ADAD1: variants seen among roughly 807,000 people sequenced by gnomAD.
The protein encoded by ADAD1 is adenosine deaminase domain containing 1, also known as adenosine deaminase domain-containing protein 1.
Under a neutral mutation model 66.8 loss-of-function variants are expected in ADAD1, and 46 were observed. The observed-to-expected ratio is 0.69, with a 90% CI of 0.54 to 0.88. The LOEUF is 0.88. Ranked by LOEUF, ADAD1 falls within the 40% of genes least tolerant of loss-of-function variation. The pLI, the probability that ADAD1 is intolerant of heterozygous loss-of-function variation, is 0.00. For missense variants in ADAD1, 617 were observed against 681.8 expected, an observed-to-expected ratio of 0.91 and a Z score of 1.06; for synonymous variants, 248 against 229.4, an observed-to-expected ratio of 1.08 and a Z score of -0.73.
At chr4:122,384,923 A>G (rs1179793152) in intron 5 of ADAD1, among the ~76,000 whole-genome samples, 3 of 152,184 alleles carry the variant, frequency 2.0e-5, no homozygotes, top group Non-Finnish European at 4.4e-5. Context: ...AAAAGTACCA[A>G]TGGTGCCTTA....
intron 9 of ADAD1, 74 bp from the exon 10 acceptor site, chr4:122,412,506 G>A: frequency 1.7e-6 from 2 of 1,197,020 alleles, no homozygotes; most frequent in Non-Finnish European, 2.4e-6. Context: ...TTACAGAACA[G>A]CTGTTAGGTA....
Position 122,407,777 on chromosome 4 carries a change from T to C in ADAD1, c.725-131T>C. The stretch of plus-strand genomic sequence containing the variant: ...AGACTCTAAGACTCTTATTTTAAAT[T>C]GTGGAATTATTTTTTCATCTTTTCA... On this transcript the variant is annotated intron_variant, in intron 7 of 12. Coordinates refer to ENST00000296513, the MANE Select transcript of ADAD1 (RefSeq NM_139243.4). The C allele has an allele frequency of 3.9e-6, 4 of 1,033,626 alleles. No individual in the cohort carries two copies. In the South Asian group the frequency reaches 1.0e-4, roughly 26 times the overall value. 64.0% of individuals were successfully genotyped at this position (1,033,626 alleles called of 1,614,324 possible).
intron 5 of ADAD1, among the ~76,000 whole-genome samples, chr4:122,385,680 C>A (rs542589337): frequency 6.6e-6 from 1 of 152,142 alleles, no homozygotes; most frequent in East Asian, 1.9e-4. Flanking sequence ...AACCTGTCCT[C>A]TGTTCCCTCC....
intron 10 of ADAD1, among the ~76,000 whole-genome samples, chr4:122,415,046 G>C (rs576641794): frequency 6.6e-6 from 1 of 152,066 alleles, no homozygotes; most frequent in Non-Finnish European, 1.5e-5. Flanking sequence ...CATACAATGC[G>C]GTCAACAAAT....
At chr4:122,412,531 T>C (rs547609885) in intron 9 of ADAD1, 49 bp from the exon 10 acceptor site, 22 of 1,511,570 alleles carry the variant, frequency 1.5e-5, no homozygotes, top group African/African-American at 2.8e-5. Flanking sequence ...TAGATTTTGT[T>C]CTGTCACCTT....
chr4:122,394,684 T>A (rs1795614445), intron 6 of ADAD1, among the ~76,000 whole-genome samples: 1 of 152,220 alleles, frequency 6.6e-6, no homozygotes, highest in Middle Eastern at 3.2e-3. Flanking sequence ...ACAGCAGTGA[T>A]CTCTTAATAT....
intron 8 of ADAD1, among the ~76,000 whole-genome samples, chr4:122,409,969 C>T (rs188902695): frequency 9.2e-5 from 14 of 152,232 alleles, no homozygotes; most frequent in Admixed American, 3.3e-4. Flanking sequence ...GGTGAGCCAC[C>T]GTGCCTGGCC....
intron 5 of ADAD1, among the ~76,000 whole-genome samples, chr4:122,390,691 T>C (rs1454800351): frequency 6.6e-6 from 1 of 152,242 alleles, no homozygotes; most frequent in Non-Finnish European, 1.5e-5. Flanking sequence ...ATGCAGTTTT[T>C]TTCAGCTCCA....
chr4:122,401,264 TC>T (rs902680931), intron 7 of ADAD1, among the ~76,000 whole-genome samples: 4 of 151,024 alleles, frequency 2.6e-5, no homozygotes, highest in African/African-American at 9.8e-5. Context: ...GATACAAAGA[TC>T]ATTCAAGAGC....
chr4:122,392,143 T>C (rs1397649565), intron 5 of ADAD1, among the ~76,000 whole-genome samples: 7 of 152,250 alleles, frequency 4.6e-5, no homozygotes, highest in Admixed American at 4.6e-4. Context: ...TATCTGTCTC[T>C]GAGTTTTAAA....
At chr4:122,401,707 A>G (rs1795990080) in intron 7 of ADAD1, among the ~76,000 whole-genome samples, 1 of 152,050 alleles carries the variant, frequency 6.6e-6, no homozygotes, top group Non-Finnish European at 1.5e-5. Context: ...TAGGATTATG[A>G]TATTTTCTTG....
intron 5 of ADAD1, among the ~76,000 whole-genome samples, chr4:122,387,001 A>G (rs931256732): frequency 1.3e-5 from 2 of 152,016 alleles, no homozygotes; most frequent in Non-Finnish European, 2.9e-5. Flanking sequence ...TTTGCTTAGG[A>G]TTGTCTTGGC....
chr4:122,382,406 A>G (rs951895689), intron 4 of ADAD1, among the ~76,000 whole-genome samples: 12 of 152,224 alleles, frequency 7.9e-5, no homozygotes, highest in Admixed American at 6.5e-4. Context: ...GCTGAAGCTT[A>G]AAGGCTCCGC....
Position 122,418,349 on chromosome 4 carries a change from G to A in ADAD1, c.1487+2733G>A, listed in dbSNP as rs45530836. Among the ~76,000 whole-genome samples the A allele has an allele frequency of 4.4e-3, 569 of 128,246 alleles. 4 individuals are homozygous for A. Among genetic ancestry groups the A allele is most frequent in the Non-Finnish European group, 6.6e-3 (421 of 63,466 alleles). The allele number at this position is 128,246 out of a possible 152,430, so 84.1% of individuals were successfully genotyped here. A position where few individuals can be genotyped will look rare whatever the true frequency, so the allele number is the denominator to read the frequency against. On this transcript the variant is annotated intron_variant, in intron 11 of 12. Coordinates refer to ENST00000296513, the MANE Select transcript of ADAD1 (RefSeq NM_139243.4). ...TTTTGAGACGGAGTCTTGCTCTGTC[G>A]CCCAGGCTGGAGTGCAGTGGCGCGA... is the stretch of plus-strand genomic sequence containing the variant.
chr4:122,428,047 A>C (rs1029727676), intron 12 of ADAD1, among the ~76,000 whole-genome samples: 1 of 151,556 alleles, frequency 6.6e-6, no homozygotes. Context: ...TTTTCAACAA[A>C]TAGTGCTGAA....
At chr4:122,422,717 T>G (rs1797058792) in intron 12 of ADAD1, among the ~76,000 whole-genome samples, 1 of 151,958 alleles carries the variant, frequency 6.6e-6, no homozygotes, top group African/African-American at 2.4e-5. Context: ...CAGACAAAAT[T>G]GTCAAAACTT....
chr4:122,404,256 C>T (rs1796108855), intron 7 of ADAD1, among the ~76,000 whole-genome samples: 1 of 152,180 alleles, frequency 6.6e-6, no homozygotes, highest in Non-Finnish European at 1.5e-5. Flanking sequence ...TAGAAGCTTC[C>T]TTTAACCTGT....
intron 11 of ADAD1, among the ~76,000 whole-genome samples, chr4:122,420,473 C>G (rs1202261684): frequency 6.6e-6 from 1 of 152,142 alleles, no homozygotes; most frequent in Non-Finnish European, 1.5e-5. Flanking sequence ...ATCTCCAGGC[C>G]TAGATTCAGA....
At chr4:122,418,377 T>G (rs6854405) in intron 11 of ADAD1, among the ~76,000 whole-genome samples, 12,891 of 147,226 alleles carry the variant, frequency 0.088, 1,884 homozygotes, top group African/African-American at 0.3. Context: ...TGGCGCGATA[T>G]CGGCTCACTG....
Sources: allele counts gnomAD v4.1 joint callset (sites outside exome capture counted in the v4.1 genomes callset), GRCh38; gene constraint gnomAD v4.1.1; transcripts MANE v1.5; gene names NCBI Gene and HGNC (gene_info 2026-07-23, HGNC 2026-07-21).